DENND11: variants seen among roughly 807,000 people sequenced by gnomAD.
The protein encoded by DENND11 is DENN domain containing 11, also known as DENN domain-containing protein 11.
DENND11 carries 34 observed loss-of-function variants against 49.2 expected under a neutral mutation model. The observed-to-expected ratio is 0.69, with a 90% CI of 0.53 to 0.92. DENND11 has a LOEUF of 0.92. Among genes scored for constraint, DENND11 ranks in the 40% least tolerant of loss-of-function variants. DENND11 has a pLI of 0.00. For missense variants in DENND11, 475 were observed against 581.6 expected (o/e 0.82, Z 1.88); for synonymous variants, 238 against 230.3 (o/e 1.03, Z -0.30).
chr7:141,694,758 A>G (rs1335641496), intron 1 of DENND11, among the ~76,000 whole-genome samples: 1 of 129,292 alleles, frequency 7.7e-6, no homozygotes, highest in Non-Finnish European at 1.8e-5. Context: ...TCAATCATGA[A>G]AAACACAAAG....
chr7:141,662,889 G>GGGGGT (rs71529529), intron 8 of DENND11, 38 bp from the exon 9 acceptor site: 2 of 1,466,048 alleles, frequency 1.4e-6, no homozygotes, highest in African/African-American at 1.4e-5. Flanking sequence ...AGGAAGCGGG[G>GGGGGT]GGGAATAAAA....
At position 141,662,854 on chromosome 7, in the gene DENND11, G is replaced by A; in HGVS notation, c.1173-3C>T. ...GGTTGTTTTGTTCTAGGAAAAACCT[G>A]CATTTGGAAGACAAGACACAGGAAA... On this transcript the variant is annotated splice_polypyrimidine_tract_variant and splice_region_variant and intron_variant, in intron 8 of 8. Coordinates refer to ENST00000536163, the MANE Select transcript of DENND11 (RefSeq NM_001080392.2). 6.5e-7 allele frequency: 1 copy of A among 1,534,216 alleles called. No homozygotes were observed.
chr7:141,692,994 AG>A (rs771309248), intron 1 of DENND11, among the ~76,000 whole-genome samples: 100 of 152,368 alleles, frequency 6.6e-4, no homozygotes, highest in Middle Eastern at 6.8e-3. Context: ...CAATTCATGA[AG>A]GAAAAATGGA....
rs1797787658 is a variant in DENND11, at chr7:141,661,212, C to CA, written c.*1443_*1444insT. On this transcript the variant is annotated 3_prime_UTR_variant, in exon 9 of 9. Transcript: ENST00000536163. ...ACTGACGGCTATTCCCATAACCGAG[C>CA]CAGGCGGGAAGGGGGAAAAGGAAGA... 6.6e-6 allele frequency: 1 copy of CA among 152,150 alleles called. No homozygotes were observed. Among genetic ancestry groups the CA allele is most frequent in the African/African-American group, 2.4e-5 (1 of 41,414 alleles). The allele number at this position is 152,150 out of a possible 1,614,324, so 9.4% of individuals were successfully genotyped here.
In DENND11 at chr7:141,657,616, T is replaced by C. The variant is rs1797717968; in HGVS notation, c.*5040A>G. The stretch of plus-strand genomic sequence containing the variant: ...ATTTATTGTTAGTCTAAATAAGCAT[T>C]CTATAGCAAACATAAGTAATTCACA... On this transcript the variant is annotated 3_prime_UTR_variant, in exon 9 of 9. Coordinates refer to ENST00000536163, the MANE Select transcript of DENND11 (RefSeq NM_001080392.2). 6.6e-6 allele frequency: 1 copy of C among 152,334 alleles called. No homozygotes were observed. Among genetic ancestry groups the C allele is most frequent in the African/African-American group, 2.4e-5 (1 of 41,444 alleles). 9.4% of individuals were successfully genotyped at this position (152,334 alleles called of 1,614,324 possible). A position where few individuals can be genotyped will look rare whatever the true frequency, so the allele number is the denominator to read the frequency against.
chr7:141,682,290 A>G (rs1798159689), intron 3 of DENND11, among the ~76,000 whole-genome samples: 1 of 152,304 alleles, frequency 6.6e-6, no homozygotes, highest in South Asian at 2.1e-4. Flanking sequence ...AAGAGTATAC[A>G]TGGATACCTG....
chr7:141,663,965 G>A, intron 8 of DENND11: 1 of 484,766 alleles, frequency 2.1e-6, no homozygotes, highest in Non-Finnish European at 3.7e-6. Context: ...TCTCTTAAGG[G>A]ACCTGCTTCT....
At chr7:141,667,424 G>A (rs1428169570) in intron 4 of DENND11, among the ~76,000 whole-genome samples, 1 of 152,154 alleles carries the variant, frequency 6.6e-6, no homozygotes, top group Admixed American at 6.5e-5. Context: ...GTGAAATACG[G>A]AATCATCACC....
chr7:141,681,194 G>C (rs1374263027), intron 3 of DENND11, among the ~76,000 whole-genome samples: 1 of 152,182 alleles, frequency 6.6e-6, no homozygotes, highest in Non-Finnish European at 1.5e-5. Context: ...GTAGAATGCT[G>C]GTGTGTGTTG....
chr7:141,669,429 G>C (rs1484510948), intron 4 of DENND11, among the ~76,000 whole-genome samples: 1 of 151,732 alleles, frequency 6.6e-6, no homozygotes, highest in Non-Finnish European at 1.5e-5. Flanking sequence ...TCCATTTTTA[G>C]TAGAGATGGG....
At position 141,670,057 on chromosome 7, in the gene DENND11, G is replaced by C. The variant is rs1797956424; in HGVS notation, c.682-3632C>G. Among the ~76,000 whole-genome samples the C allele has an allele frequency of 1.3e-5, 2 of 150,680 alleles. 1 individual carries two copies. The highest frequency in any genetic ancestry group is 5.0e-5 in the African/African-American group (2 of 40,268). On this transcript the variant is annotated intron_variant, in intron 4 of 8. Coordinates refer to ENST00000536163, the MANE Select transcript of DENND11 (RefSeq NM_001080392.2). ...GATCTCCTGACCTCGTGATCCGCCC[G>C]CCTCGGCCTCCCAAAGTGCTGGGAT... is the stretch of plus-strand genomic sequence containing the variant.
At chr7:141,664,092 A>T in intron 8 of DENND11, 80 bp downstream of exon 8, 2 of 1,197,704 alleles carry the variant, frequency 1.7e-6, no homozygotes, top group Non-Finnish European at 2.4e-6. Context: ...GCCCGCAGTG[A>T]ATGACATGGG....
At chr7:141,681,028 T>G (rs909066400) in intron 3 of DENND11, among the ~76,000 whole-genome samples, 2 of 152,122 alleles carry the variant, frequency 1.3e-5, no homozygotes, top group Non-Finnish European at 2.9e-5. Flanking sequence ...GACACTGGCT[T>G]TGTTGCTGGA....
In DENND11 at chr7:141,660,507, A is replaced by G. The variant is rs1414868136; in HGVS notation, c.*2149T>C. 6.6e-6 allele frequency: 1 copy of G among 152,246 alleles called. No individual in the cohort carries two copies. The highest frequency in any genetic ancestry group is 1.5e-5 in the Non-Finnish European group (1 of 68,050). 9.4% of individuals were successfully genotyped at this position (152,246 alleles called of 1,614,324 possible). ...ACAGGAACTTCATTCTCACCCTGCT[A>G]TGTTTACACCAGCACTTCTGAGCTT... On this transcript the variant is annotated 3_prime_UTR_variant, in exon 9 of 9. Transcript: ENST00000536163.
rs961216848 is a variant in DENND11 at position 141,659,593 on chromosome 7, T to G, written c.*3063A>C. 18 of 152,382 alleles carry G rather than the reference T, an allele frequency of 1.2e-4. No homozygotes were observed. Among genetic ancestry groups the G allele is most frequent in the Admixed American group, 1.2e-3 (18 of 15,288 alleles). 9.4% of individuals were successfully genotyped at this position (152,382 alleles called of 1,614,324 possible). ...TTCCACTCCCACCTGGAACTTCTTC[T>G]GACTTATTCAGGAACAACAGGGCAG... is the stretch of plus-strand genomic sequence containing the variant. On this transcript the variant is annotated 3_prime_UTR_variant, in exon 9 of 9. Coordinates refer to ENST00000536163, the MANE Select transcript of DENND11 (RefSeq NM_001080392.2).
At position 141,684,217 on chromosome 7, in the gene DENND11, G is replaced by A. The variant is rs149982399; in HGVS notation, c.527+1261C>T. Among the ~76,000 whole-genome samples, 643 of 152,258 alleles carry A rather than the reference G, an allele frequency of 4.2e-3. 4 individuals carry two copies. The highest frequency in any genetic ancestry group is 0.014 in the African/African-American group (594 of 41,548). Reference sequence around the variant, plus strand: ...CTCCTAAAGTGCTGGGATTACAGGCGTGAGCCACCATTCCTGATCAATTTT... The same window carrying A: ...CTCCTAAAGTGCTGGGATTACAGGCATGAGCCACCATTCCTGATCAATTTT... On this transcript the variant is annotated intron_variant, in intron 3 of 8. Coordinates refer to ENST00000536163, the MANE Select transcript of DENND11 (RefSeq NM_001080392.2).
At position 141,673,927 on chromosome 7, in the gene DENND11, T is replaced by C. The variant is rs1161410020; in HGVS notation, c.681+140A>G. The C allele has an allele frequency of 4.6e-5, 48 of 1,042,492 alleles. No homozygotes were observed. In the East Asian group the frequency reaches 1.2e-3, roughly 26 times the overall value. The allele number at this position is 1,042,492 out of a possible 1,614,324, so 64.6% of individuals were successfully genotyped here. A position where few individuals can be genotyped will look rare whatever the true frequency, so the allele number is the denominator to read the frequency against. On this transcript the variant is annotated intron_variant, in intron 4 of 8. Transcript: ENST00000536163. ...ATGTTTTAAAAAAACCAAATGCTTA[T>C]GTTGCAACTCTGTTCTATCAAAAGT...
chr7:141,679,201 CTCTTA>C (rs772709601), intron 3 of DENND11, among the ~76,000 whole-genome samples: 4 of 152,194 alleles, frequency 2.6e-5, no homozygotes, highest in Non-Finnish European at 5.9e-5. Context: ...CAAGTCTCTT[CTCTTA>C]TGTTACCTAT....
At chr7:141,693,110 T>A (rs531450985) in intron 1 of DENND11, among the ~76,000 whole-genome samples, 1 of 152,198 alleles carries the variant, frequency 6.6e-6, no homozygotes, top group Non-Finnish European at 1.5e-5. Flanking sequence ...GCAAAACACA[T>A]ATCTGATAAA....
Sources: gnomAD v4.1 joint callset for allele counts (sites outside exome capture counted in the v4.1 genomes callset) on GRCh38, gnomAD v4.1.1 for gene constraint, MANE v1.5 for transcripts, NCBI Gene and HGNC (gene_info 2026-07-23, HGNC 2026-07-21) for gene names.